The following GPALPP1 variants were observed in gnomAD, a reference collection of about 807,000 sequenced individuals.
GPALPP1 encodes the protein GPALPP motifs-containing protein 1.
GPALPP1 carries 30 observed loss-of-function variants against 38.9 expected under a neutral mutation model. The ratio of observed to expected loss-of-function variants is 0.77; its 90% confidence interval spans 0.58 to 1.05. The LOEUF (loss-of-function observed/expected upper bound fraction) is 1.05. Among genes scored for constraint, GPALPP1 ranks in the 50% least tolerant of loss-of-function variants. GPALPP1 has a pLI of 0.00. For missense variants in GPALPP1, 384 were observed against 408.8 expected, an observed-to-expected ratio of 0.94 and a Z score of 0.52; for synonymous variants, 120 against 139.2, an observed-to-expected ratio of 0.86 and a Z score of 0.97.
intron 7 of GPALPP1, among the ~76,000 whole-genome samples, chr13:45,020,690 CCTAT>C (rs1354577835): frequency 2.0e-5 from 3 of 150,256 alleles, no homozygotes; most frequent in African/African-American, 4.9e-5. Context: ...CCTTTTTTCC[CCTAT>C]CTTTTAGTTA....
exon 8 of GPALPP1, chr13:45,037,413 C>T (rs1876424094): frequency 6.6e-6 from 1 of 152,198 alleles, no homozygotes; most frequent in African/African-American, 2.4e-5. Context: ...ACACACTTAA[C>T]AAAAGCAATT....
chr13:45,019,123 ATTTC>A, intron 6 of GPALPP1, among the ~76,000 whole-genome samples: 1 of 136,454 alleles, frequency 7.3e-6, no homozygotes, highest in East Asian at 2.2e-4. Flanking sequence ...ATGTATATAT[ATTTC>A]TATGTATATA....
chr13:45,016,701 T>C (rs7329086), intron 6 of GPALPP1, among the ~76,000 whole-genome samples: 140,326 of 152,274 alleles, frequency 0.92, 65,292 homozygotes, highest in East Asian at 1. Context: ...ACTGCAGTGG[T>C]GCAATCACAG....
Position 44,990,233 on chromosome 13 carries a change from C to T in GPALPP1, c.88+491C>T, listed in dbSNP as rs556301729. The T allele has an allele frequency of 1.2e-5, 4 of 320,380 alleles. No individual in the cohort carries two copies. In the South Asian group the frequency reaches 5.8e-4, roughly 46 times the overall value. The allele number at this position is 320,380 out of a possible 1,614,324, so 19.8% of individuals were successfully genotyped here. On this transcript the variant is annotated intron_variant, in intron 1 of 7. Coordinates refer to ENST00000379151, the MANE Select transcript of GPALPP1 (RefSeq NM_018559.5). Reference sequence around the variant, plus strand: ...TCCAGCCCCCGACCTGCCTTCCTAGCCTCTCATTCTGTTATTGCATCTGAC... The same window carrying T: ...TCCAGCCCCCGACCTGCCTTCCTAGTCTCTCATTCTGTTATTGCATCTGAC...
At chr13:45,015,384 T>C (rs1174614424) in intron 5 of GPALPP1, 48 bp from the exon 6 acceptor site, 1 of 1,219,622 alleles carries the variant, frequency 8.2e-7, no homozygotes, top group African/African-American at 1.5e-5. Flanking sequence ...GTACTCATCT[T>C]ATACACGATA....
At chr13:44,995,204 C>A (rs867270779) in intron 1 of GPALPP1, among the ~76,000 whole-genome samples, 1 of 11,370 alleles carries the variant, frequency 8.8e-5, no homozygotes, top group Admixed American at 1.4e-3. Context: ...ACACACACAC[C>A]CCTTCTCTTT....
chr13:45,020,425 C>T lies in GPALPP1; in HGVS notation c.801C>T (p.Tyr267=), dbSNP rs1476525408. 2 of 1,247,392 alleles carry T rather than the reference C, an allele frequency of 1.6e-6. No homozygotes were observed. Among genetic ancestry groups the T allele is most frequent in the Non-Finnish European group, 1.2e-6 (1 of 847,178 alleles). 77.3% of individuals were successfully genotyped at this position (1,247,392 alleles called of 1,614,324 possible). A position where few individuals can be genotyped will look rare whatever the true frequency, so the allele number is the denominator to read the frequency against. ...DKRLAEQVSS[Y]NESKRSESLM... ...GACTGGCTGAGCAGGTATCTTCATA[C>T]AATGTAAGTAAGAAAATAAGATATA... The change falls in exon 7 of 8, where the codon TAC becomes TAT. Residue 267 remains tyrosine, a synonymous_variant. Coordinates refer to ENST00000379151, the MANE Select transcript of GPALPP1 (RefSeq NM_018559.5).
At chr13:45,035,203 G>T (rs987992655), downstream of GPALPP1, 1 of 152,500 alleles carries the variant, frequency 6.6e-6, no homozygotes, top group Non-Finnish European at 1.5e-5. Context: ...TGATCCATCC[G>T]CCTTGGCCTC....
downstream of GPALPP1, chr13:45,031,308 G>A (rs1250187598): frequency 6.6e-6 from 1 of 152,104 alleles, no homozygotes; most frequent in Non-Finnish European, 1.5e-5. Context: ...GTACAAGAGT[G>A]TCTCCATTGC....
intron 7 of GPALPP1, among the ~76,000 whole-genome samples, chr13:45,026,078 C>T (rs1875814567): frequency 6.6e-6 from 1 of 152,098 alleles, no homozygotes; most frequent in Non-Finnish European, 1.5e-5. Flanking sequence ...CCTTGATTAC[C>T]TATTTTTTCT....
intron 7 of GPALPP1, among the ~76,000 whole-genome samples, chr13:45,025,989 C>T (rs1231258765): frequency 6.6e-6 from 1 of 151,026 alleles, no homozygotes; most frequent in East Asian, 2.0e-4. Context: ...AGGCTGGTCT[C>T]GAACTCCCGA....
chr13:45,007,609 C>A (rs1341262), intron 3 of GPALPP1, among the ~76,000 whole-genome samples: 1 of 152,140 alleles, frequency 6.6e-6, no homozygotes, highest in African/African-American at 2.4e-5. Flanking sequence ...GCAAATTGTT[C>A]TGCTCAAAGA....
Position 45,029,131 on chromosome 13 carries a change from T to C in GPALPP1, c.*1128T>C, listed in dbSNP as rs1566086695. On this transcript the variant is annotated 3_prime_UTR_variant, in exon 8 of 8. Transcript: ENST00000379151. ...GGTTGCTTCTTAATATCTTTATGATTTTTAATTGTATTAAACCTATATCAA... is the reference window on the plus strand; with the variant it reads ...GGTTGCTTCTTAATATCTTTATGATCTTTAATTGTATTAAACCTATATCAA... 1 of 152,140 alleles carries C rather than the reference T, an allele frequency of 6.6e-6. No homozygotes were observed. Among genetic ancestry groups the C allele is most frequent in the Non-Finnish European group, 1.5e-5 (1 of 68,020 alleles). The allele number at this position is 152,140 out of a possible 1,614,324, so 9.4% of individuals were successfully genotyped here. A position where few individuals can be genotyped will look rare whatever the true frequency, so the allele number is the denominator to read the frequency against.
At chr13:45,022,825 A>G (rs1875522059) in intron 7 of GPALPP1, among the ~76,000 whole-genome samples, 1 of 152,218 alleles carries the variant, frequency 6.6e-6, no homozygotes, top group Non-Finnish European at 1.5e-5. Context: ...TTCTGAGGCC[A>G]AGAGATAGAG....
intron 4 of GPALPP1, among the ~76,000 whole-genome samples, chr13:45,012,760 C>T (rs911727953): frequency 2.0e-5 from 3 of 152,136 alleles, no homozygotes; most frequent in Non-Finnish European, 4.4e-5. Flanking sequence ...TTTAATTGAA[C>T]CTTTTTCAAA....
intron 1 of GPALPP1, among the ~76,000 whole-genome samples, chr13:44,997,253 A>ACAAG (rs1363593031): frequency 2.6e-5 from 4 of 152,158 alleles, no homozygotes; most frequent in Non-Finnish European, 5.9e-5. Flanking sequence ...AGGAGATCTG[A>ACAAG]CAAGCATGAC....
intron 1 of GPALPP1, among the ~76,000 whole-genome samples, chr13:45,001,522 A>G (rs1350971887): frequency 3.3e-5 from 5 of 151,972 alleles, no homozygotes; most frequent in Non-Finnish European, 5.9e-5. Flanking sequence ...AGCCTTCTCC[A>G]TATTAGAGAA....
chr13:45,024,147 C>CTGTG lies in GPALPP1; in HGVS notation c.805-3580_805-3577dup, dbSNP rs58048658. On this transcript the variant is annotated intron_variant, in intron 7 of 7. Coordinates refer to ENST00000379151, the MANE Select transcript of GPALPP1 (RefSeq NM_018559.5). ...TTTTTGCTTGGTATCCCCTAAAACT[C>CTGTG]TGTGTGTGTGTGTGTGTGTGTGTGT... Among the ~76,000 whole-genome samples, 81 of 23,392 alleles carry CTGTG rather than the reference C, an allele frequency of 3.5e-3. 3 individuals are homozygous for CTGTG. The highest frequency in any genetic ancestry group is 0.012 in the South Asian group (7 of 608). The allele number at this position is 23,392 out of a possible 152,430, so 15.3% of individuals were successfully genotyped here. A position where few individuals can be genotyped will look rare whatever the true frequency, so the allele number is the denominator to read the frequency against.
chr13:45,007,228 T>C (rs1874165001), intron 3 of GPALPP1, among the ~76,000 whole-genome samples: 1 of 152,178 alleles, frequency 6.6e-6, no homozygotes, highest in Non-Finnish European at 1.5e-5. Flanking sequence ...GAAAGTTTGC[T>C]GACCCCTAGG....
Sources: allele counts gnomAD v4.1 joint callset (sites outside exome capture counted in the v4.1 genomes callset), GRCh38; gene constraint gnomAD v4.1.1; transcripts MANE v1.5; gene names NCBI Gene and HGNC (gene_info 2026-07-23, HGNC 2026-07-21).